Variants in RANBP3L observed in about 807,000 individuals in gnomAD.
The protein encoded by RANBP3L is ran-binding protein 3-like.
RANBP3L carries 56 observed loss-of-function variants against 67.2 expected under a neutral mutation model. The ratio of observed to expected loss-of-function variants is 0.83; its 90% CI spans 0.67 to 1.04. RANBP3L has a LOEUF of 1.04. RANBP3L is among the 50% of genes least tolerant of loss of function. The pLI is 0.00. For synonymous variants in RANBP3L, 164 were observed against 181.4 expected, an observed-to-expected ratio of 0.90 and a Z score of 0.77; for missense variants, 496 against 535.5, an observed-to-expected ratio of 0.93 and a Z score of 0.73.
At chr5:36,294,336 T>C (rs1037644084) in intron 1 of RANBP3L, among the ~76,000 whole-genome samples, 2 of 152,078 alleles carry the variant, frequency 1.3e-5, no homozygotes, top group Non-Finnish European at 2.9e-5. Context: ...ATTTTGTTGA[T>C]CCTTTCAAAA....
chr5:36,301,419 T>C lies in RANBP3L; in HGVS notation c.-3A>G, dbSNP rs777169260. The C allele has an allele frequency of 7.4e-6, 12 of 1,612,366 alleles. No homozygotes were observed. The East Asian group carries it at 2.7e-4, about 36-fold the overall frequency. The stretch of plus-strand genomic sequence containing the variant: ...CCTTTTCTTGGTATGGTAGTCATGG[T>C]CCTAGCAGTATGGCTGTGACTCAAG... On this transcript the variant is annotated 5_prime_UTR_variant, in exon 1 of 14. Transcript: ENST00000296604.
intron 2 of RANBP3L, among the ~76,000 whole-genome samples, 158 bp from the exon 3 acceptor site, chr5:36,270,148 A>G (rs1264636681): frequency 1.3e-5 from 2 of 152,244 alleles, no homozygotes; most frequent in Admixed American, 6.5e-5. Flanking sequence ...GCCACTTTAC[A>G]GAATTCTCAG....
At chr5:36,285,779 C>A (rs190732893) in intron 1 of RANBP3L, among the ~76,000 whole-genome samples, 1 of 152,168 alleles carries the variant, frequency 6.6e-6, no homozygotes, top group African/African-American at 2.4e-5. Context: ...CCTTCTCAAT[C>A]AATATCCGAG....
chr5:36,271,531 C>T (rs1459607225), intron 1 of RANBP3L, among the ~76,000 whole-genome samples: 3 of 152,000 alleles, frequency 2.0e-5, no homozygotes, highest in Admixed American at 6.6e-5. Context: ...CAGTATGTTT[C>T]CATAAATAGA....
At chr5:36,266,171 T>C (rs1749771369) in intron 4 of RANBP3L, among the ~76,000 whole-genome samples, 2 of 152,112 alleles carry the variant, frequency 1.3e-5, no homozygotes, top group African/African-American at 4.8e-5. Flanking sequence ...CCGGCATTAA[T>C]ATATAGCTCT....
intron 1 of RANBP3L, among the ~76,000 whole-genome samples, chr5:36,277,466 G>A (rs1474655654): frequency 3.3e-5 from 5 of 150,006 alleles, no homozygotes; most frequent in African/African-American, 4.9e-5. Context: ...GTGTGTGTGT[G>A]TGTGTGTGTG....
chr5:36,282,082 C>T (rs114837457), intron 1 of RANBP3L, among the ~76,000 whole-genome samples: 332 of 152,260 alleles, frequency 2.2e-3, no homozygotes, highest in African/African-American at 6.9e-3. Flanking sequence ...CTAGGATGTG[C>T]TTGGTCAACC....
intron 13 of RANBP3L, 65 bp from the exon 14 acceptor site, chr5:36,249,762 A>G: frequency 1.3e-6 from 1 of 762,770 alleles, no homozygotes; most frequent in Non-Finnish European, 2.1e-6. Context: ...TTTAATATTG[A>G]ATGCAACTAA....
intron 1 of RANBP3L, among the ~76,000 whole-genome samples, chr5:36,295,824 A>G (rs531201397): frequency 6.6e-6 from 1 of 152,144 alleles, no homozygotes; most frequent in Admixed American, 6.5e-5. Context: ...ATCCTTACAT[A>G]GTTCCAAGGA....
At position 36,262,300 on chromosome 5, in the gene RANBP3L, C is replaced by T. The variant is rs569480664; in HGVS notation, c.481-258G>A. 2.9e-3 allele frequency among the ~76,000 whole-genome samples: 445 copies of T among 152,260 alleles called. 4 individuals carry two copies. Among genetic ancestry groups the T allele is most frequent in the African/African-American group, 0.01 (432 of 41,562 alleles). On this transcript the variant is annotated intron_variant, in intron 6 of 13. Coordinates refer to ENST00000296604, the MANE Select transcript of RANBP3L (RefSeq NM_145000.5). Reference sequence around the variant, plus strand: ...CAGGTCACATACAGTGGCGATCTGTCTAATACCGGAATATCATAATATTCA... The same window carrying T: ...CAGGTCACATACAGTGGCGATCTGTTTAATACCGGAATATCATAATATTCA...
At chr5:36,284,605 AC>A (rs1049871657) in intron 1 of RANBP3L, among the ~76,000 whole-genome samples, 5 of 152,126 alleles carry the variant, frequency 3.3e-5, no homozygotes, top group African/African-American at 1.2e-4. Context: ...TTTGTCAAAA[AC>A]CCAAACTGCT....
intron 4 of RANBP3L, among the ~76,000 whole-genome samples, chr5:36,266,139 A>G (rs1386096563): frequency 6.6e-6 from 1 of 152,164 alleles, no homozygotes; most frequent in African/African-American, 2.4e-5. Context: ...AGACTACAAA[A>G]TCTGAATTGG....
intron 1 of RANBP3L, among the ~76,000 whole-genome samples, chr5:36,290,703 G>A (rs1195895629): frequency 6.7e-6 from 1 of 148,240 alleles, no homozygotes; most frequent in Non-Finnish European, 1.5e-5. Flanking sequence ...AGTGTAATTA[G>A]GGATGGCCTT....
At chr5:36,285,198 G>T (rs1751237346) in intron 1 of RANBP3L, among the ~76,000 whole-genome samples, 4 of 152,246 alleles carry the variant, frequency 2.6e-5, no homozygotes, top group Admixed American at 2.6e-4. Context: ...TATGGTCTAG[G>T]GTATGAATCC....
intron 4 of RANBP3L, among the ~76,000 whole-genome samples, chr5:36,268,958 C>T (rs1319420940): frequency 6.6e-6 from 1 of 152,124 alleles, no homozygotes; most frequent in Non-Finnish European, 1.5e-5. Context: ...GGTCTGTCCA[C>T]CTTGGCCTCC....
chr5:36,279,192 C>A (rs1559230), intron 1 of RANBP3L, among the ~76,000 whole-genome samples: 145,107 of 152,220 alleles, frequency 0.95, 69,459 homozygotes, highest in Non-Finnish European at 0.99. Context: ...ACAAAAAACC[C>A]AACCTATGTT....
intron 1 of RANBP3L, among the ~76,000 whole-genome samples, chr5:36,287,552 G>A (rs1751414933): frequency 6.6e-6 from 1 of 152,174 alleles, no homozygotes; most frequent in Non-Finnish European, 1.5e-5. Context: ...TAACTCATGA[G>A]TCAGTTGTGG....
intron 4 of RANBP3L, among the ~76,000 whole-genome samples, chr5:36,265,889 A>G (rs1749737028): frequency 6.6e-6 from 1 of 151,112 alleles, no homozygotes; most frequent in Admixed American, 6.6e-5. Flanking sequence ...AGGAAGGAGA[A>G]TCTCTTGAAC....
chr5:36,283,845 T>C (rs10071638), intron 1 of RANBP3L, among the ~76,000 whole-genome samples: 4,994 of 152,286 alleles, frequency 0.033, 209 homozygotes, highest in East Asian at 0.15. Flanking sequence ...TCTCTGAATC[T>C]GATGAGGGAA....
Sources: allele counts gnomAD v4.1 joint callset (sites outside exome capture counted in the v4.1 genomes callset), GRCh38; gene constraint gnomAD v4.1.1; transcripts MANE v1.5; gene names NCBI Gene and HGNC (gene_info 2026-07-23, HGNC 2026-07-21).